MYLK: variants seen among roughly 807,000 people sequenced by gnomAD.
MYLK encodes myosin light chain kinase, smooth muscle.
In MYLK, 106 loss-of-function variants were observed where a neutral mutation model predicts 203.4. The observed-to-expected ratio is 0.52, with a 90% confidence interval of 0.45 to 0.61. MYLK has a LOEUF of 0.61. MYLK is among the 20% of genes least tolerant of loss of function. The pLI, the probability that MYLK is intolerant of heterozygous loss-of-function variation, is 0.00. For synonymous variants in MYLK, 867 were observed against 959.5 expected (o/e 0.90, Z 1.78); for missense variants, 2,072 against 2,442.3 (o/e 0.85, Z 3.20).
intron 3 of MYLK, among the ~76,000 whole-genome samples, chr3:123,821,894 G>A (rs1407914076): frequency 6.6e-6 from 1 of 152,100 alleles, no homozygotes; most frequent in East Asian, 1.9e-4. Flanking sequence ...TTCATGTTTT[G>A]GAAACTTGAC....
intron 4 of MYLK, among the ~76,000 whole-genome samples, chr3:123,786,899 G>A (rs1409248024): frequency 6.6e-6 from 1 of 152,184 alleles, no homozygotes; most frequent in Non-Finnish European, 1.5e-5. Flanking sequence ...ATTTCTGAAA[G>A]GATACTCAAC....
intron 5 of MYLK, among the ~76,000 whole-genome samples, chr3:123,742,624 T>C (rs1301809044): frequency 1.3e-5 from 2 of 152,162 alleles, no homozygotes; most frequent in African/African-American, 4.8e-5. Context: ...TTATCCAGTC[T>C]CTAACATTTC....
chr3:123,665,709 T>C (rs543144184), intron 22 of MYLK, among the ~76,000 whole-genome samples: 2 of 152,354 alleles, frequency 1.3e-5, no homozygotes, highest in South Asian at 2.1e-4. Flanking sequence ...TTATGATAAA[T>C]TGTAGCTAGA....
intron 2 of MYLK, among the ~76,000 whole-genome samples, chr3:123,851,436 G>C (rs537645878): frequency 5.9e-5 from 9 of 152,280 alleles, no homozygotes; most frequent in African/African-American, 2.2e-4. Context: ...GTGGTTTGTA[G>C]TTCTCCTTGA....
At chr3:123,647,917 C>G (rs2059079095) in intron 26 of MYLK, among the ~76,000 whole-genome samples, 1 of 152,138 alleles carries the variant, frequency 6.6e-6, no homozygotes, top group Non-Finnish European at 1.5e-5. Flanking sequence ...CTCTTCCCCT[C>G]CCTGCAGTGG....
chr3:123,805,819 A>G lies in MYLK; in HGVS notation c.-3-11975T>C, dbSNP rs577366137. 2.0e-5 allele frequency among the ~76,000 whole-genome samples: 3 copies of G among 152,344 alleles called. No individual in the cohort carries two copies. The South Asian group carries it at 6.2e-4, about 32-fold the overall frequency. Reference sequence around the variant, plus strand: ...TCAATTTCCCCATCTGTACATCTGCAGGGTAGTATGATTAGCAGCAGCTTT... The same window carrying G: ...TCAATTTCCCCATCTGTACATCTGCGGGGTAGTATGATTAGCAGCAGCTTT... On this transcript the variant is annotated intron_variant, in intron 3 of 33. Coordinates refer to ENST00000360304, the MANE Select transcript of MYLK (RefSeq NM_053025.4).
At chr3:123,824,823 C>G (rs2066057575) in intron 3 of MYLK, among the ~76,000 whole-genome samples, 1 of 151,882 alleles carries the variant, frequency 6.6e-6, no homozygotes, top group Non-Finnish European at 1.5e-5. Context: ...GTTATTATAT[C>G]AAAAGCAGAA....
At chr3:123,747,320 C>G (rs2063050127) in intron 5 of MYLK, among the ~76,000 whole-genome samples, 1 of 152,138 alleles carries the variant, frequency 6.6e-6, no homozygotes, top group African/African-American at 2.4e-5. Context: ...CTCTCTCTCT[C>G]ACATAGTCAG....
chr3:123,832,094 A>G lies in MYLK; in HGVS notation c.-126-424T>C, dbSNP rs1035110324. ...CTATCAGGGATCTGGCTTCGGTGAC[A>G]TGGCCAGGGGAATAAAGGGCTGACA... On this transcript the variant is annotated intron_variant, in intron 2 of 33. Coordinates refer to ENST00000360304, the MANE Select transcript of MYLK (RefSeq NM_053025.4). 3.3e-5 allele frequency among the ~76,000 whole-genome samples: 5 copies of G among 152,162 alleles called. No individual in the cohort carries two copies. The East Asian group carries it at 9.6e-4, about 29-fold the overall frequency.
At chr3:123,815,946 T>C (rs978783496) in intron 3 of MYLK, among the ~76,000 whole-genome samples, 1 of 152,242 alleles carries the variant, frequency 6.6e-6, no homozygotes, top group African/African-American at 2.4e-5. Flanking sequence ...ACAAAACAGA[T>C]GAAGCTTCCC....
chr3:123,668,753 CT>C (rs1336113518), intron 20 of MYLK, among the ~76,000 whole-genome samples: 2 of 152,190 alleles, frequency 1.3e-5, no homozygotes, highest in Admixed American at 1.3e-4. Context: ...CCCAGCACCC[CT>C]CATCCTTCTC....
intron 1 of MYLK, among the ~76,000 whole-genome samples, chr3:123,879,285 C>A (rs889051756): frequency 1.3e-5 from 2 of 152,058 alleles, no homozygotes; most frequent in African/African-American, 2.4e-5. Context: ...TGAAAACCAC[C>A]CCCAAAATAA....
At chr3:123,812,024 T>C (rs1577045765) in intron 3 of MYLK, among the ~76,000 whole-genome samples, 1 of 152,356 alleles carries the variant, frequency 6.6e-6, no homozygotes, top group South Asian at 2.1e-4. Context: ...AATCCATTTT[T>C]AATCTCACTC....
chr3:123,640,489 C>T lies in MYLK; in HGVS notation c.4635G>A (p.Glu1545=), dbSNP rs892340430. Residue 1545 remains glutamate (E), a synonymous_variant, in exon 28 of 34, where the codon GAG becomes GAA. Transcript: ENST00000360304. The surrounding 1 kb of genome is among the most constrained non-coding windows in gnomAD (Gnocchi z 4.3). ...VMVLEIVSGG[E]LFERIIDEDF... ...CCTCGTCAATGATGCGCTCAAACAG[C>T]TCCCCTCCTGACACGCTGCGGGAAC... 1.2e-6 allele frequency: 2 copies of T among 1,613,956 alleles called. No individual in the cohort carries two copies. The highest frequency in any genetic ancestry group is 2.7e-5 in the African/African-American group (2 of 74,902).
chr3:123,744,101 G>A (rs571107518), intron 5 of MYLK, among the ~76,000 whole-genome samples: 13 of 152,134 alleles, frequency 8.5e-5, no homozygotes, highest in South Asian at 6.2e-4. Flanking sequence ...ATCCCCATGC[G>A]ACCCTGATCA....
At chr3:123,881,657 T>A (rs1451229353) in intron 1 of MYLK, among the ~76,000 whole-genome samples, 2 of 152,142 alleles carry the variant, frequency 1.3e-5, no homozygotes, top group Non-Finnish European at 2.9e-5. Flanking sequence ...CCCCACCTTA[T>A]GAACTTCCTA....
At chr3:123,744,930 C>T (rs868745123) in intron 5 of MYLK, among the ~76,000 whole-genome samples, 3 of 152,086 alleles carry the variant, frequency 2.0e-5, no homozygotes, top group Non-Finnish European at 2.9e-5. Context: ...CTCCTCTGAT[C>T]CACATTTTCA....
chr3:123,820,664 C>CTCCT (rs1338808453), intron 3 of MYLK, among the ~76,000 whole-genome samples: 41 of 72,350 alleles, frequency 5.7e-4, no homozygotes, highest in African/African-American at 1.4e-3. Context: ...CCTTCCTTCC[C>CTCCT]TCCTTCCTTC....
chr3:123,796,956 T>C (rs2065008717), intron 3 of MYLK, among the ~76,000 whole-genome samples: 3 of 152,196 alleles, frequency 2.0e-5, no homozygotes. Context: ...CCAAAATTTA[T>C]TTATAAGAAC....
Sources: gnomAD v4.1 joint callset for allele counts (sites outside exome capture counted in the v4.1 genomes callset) on GRCh38, gnomAD v4.1.1 for gene constraint, Gnocchi (gnomAD v3.1) non-coding constraint, MANE v1.5 for transcripts, NCBI Gene and HGNC (gene_info 2026-07-23, HGNC 2026-07-21) for gene names.